The following TCF4 variants were observed in gnomAD, a reference collection of about 807,000 sequenced individuals.
TCF4 encodes the protein transcription factor 4.
TCF4 carries 3 observed loss-of-function variants against 82.1 expected under a neutral mutation model. That is an observed-to-expected ratio of 0.04 (90% confidence interval 0.02 to 0.09). The LOEUF (loss-of-function observed/expected upper bound fraction) is 0.09. Among genes scored for constraint, TCF4 ranks in the 10% least tolerant of loss-of-function variants. TCF4 has a pLI of 1.00. For missense variants in TCF4, 518 were observed against 852.7 expected, an observed-to-expected ratio of 0.61 and a Z score of 4.89; for synonymous variants, 276 against 309.6, an observed-to-expected ratio of 0.89 and a Z score of 1.14.
intron 2 of TCF4, among the ~76,000 whole-genome samples, chr18:55,617,732 T>C (rs964985091): frequency 6.6e-6 from 1 of 151,956 alleles, no homozygotes; most frequent in African/African-American, 2.4e-5. Flanking sequence ...TTTTGGTAGT[T>C]TGTTACTGTA....
intron 15 of TCF4, among the ~76,000 whole-genome samples, chr18:55,234,984 C>A (rs1339914782): frequency 6.6e-6 from 1 of 152,194 alleles, no homozygotes; most frequent in Non-Finnish European, 1.5e-5. Context: ...ACCCATCTGT[C>A]TTCTATCATG....
intron 15 of TCF4, among the ~76,000 whole-genome samples, chr18:55,242,887 C>A (rs2051762099): frequency 6.6e-6 from 1 of 152,114 alleles, no homozygotes; most frequent in Admixed American, 6.5e-5. Flanking sequence ...GGATTACAGG[C>A]CTGAACCACC....
chr18:55,286,399 G>T (rs144667792), intron 8 of TCF4, among the ~76,000 whole-genome samples: 1 of 150,080 alleles, frequency 6.7e-6, no homozygotes, highest in African/African-American at 2.5e-5. Flanking sequence ...TTTAAAGCTC[G>T]AATGAGTTCA....
At chr18:55,242,798 C>T (rs925022855) in intron 15 of TCF4, among the ~76,000 whole-genome samples, 34 of 152,004 alleles carry the variant, frequency 2.2e-4, no homozygotes, top group South Asian at 2.1e-4. Flanking sequence ...TTAGTAGAGA[C>T]GGGGTTTCAC....
intron 15 of TCF4, among the ~76,000 whole-genome samples, chr18:55,246,395 G>C (rs556502913): frequency 6.6e-6 from 1 of 152,150 alleles, no homozygotes; most frequent in Admixed American, 6.5e-5. Context: ...AGGGTTTTGA[G>C]GTAAACATCC....
Position 55,226,040 on chromosome 18 carries a change from C to G in TCF4, c.*1995G>C, listed in dbSNP as rs1056264303. On this transcript the variant is annotated 3_prime_UTR_variant, in exon 20 of 20. Transcript: ENST00000354452. ...CACAGTTTTTAAAAAAAAACAAAAA[C>G]TGATACAATGTATTAAAACACATAA... The G allele has an allele frequency of 3.3e-5, 5 of 152,012 alleles. No homozygotes were observed. The South Asian group carries it at 1.0e-3, about 32-fold the overall frequency. The allele number at this position is 152,012 out of a possible 1,614,324, so 9.4% of individuals were successfully genotyped here. A position where few individuals can be genotyped will look rare whatever the true frequency, so the allele number is the denominator to read the frequency against.
At chr18:55,327,096 T>A (rs1338092338) in intron 8 of TCF4, among the ~76,000 whole-genome samples, 1 of 152,152 alleles carries the variant, frequency 6.6e-6, no homozygotes, top group African/African-American at 2.4e-5. Flanking sequence ...TATATTCCCA[T>A]ATTTCTTTGT....
chr18:55,530,439 T>C (rs968655100), intron 3 of TCF4, among the ~76,000 whole-genome samples: 3 of 150,562 alleles, frequency 2.0e-5, no homozygotes, highest in Non-Finnish European at 4.4e-5. Context: ...GAAGCAGACA[T>C]ATGGGGAAAT....
chr18:55,532,583 T>C (rs2097075868), intron 3 of TCF4, among the ~76,000 whole-genome samples: 2 of 152,240 alleles, frequency 1.3e-5, no homozygotes, highest in Non-Finnish European at 1.5e-5. Context: ...ACTAGTTTCA[T>C]AGATTTGGAA....
intron 8 of TCF4, among the ~76,000 whole-genome samples, chr18:55,343,157 C>T (rs2080385682): frequency 6.6e-6 from 1 of 152,050 alleles, no homozygotes; most frequent in Non-Finnish European, 1.5e-5. Context: ...ATTAAATGTA[C>T]TTGCAAAGGT....
chr18:55,454,906 G>A (rs1351275259), intron 5 of TCF4, among the ~76,000 whole-genome samples: 1 of 152,120 alleles, frequency 6.6e-6, no homozygotes, highest in African/African-American at 2.4e-5. Context: ...TCAATTCTTG[G>A]CTGGGCGTGG....
intron 3 of TCF4, among the ~76,000 whole-genome samples, chr18:55,576,924 C>A (rs2097532707): frequency 6.6e-6 from 1 of 151,664 alleles, no homozygotes; most frequent in Non-Finnish European, 1.5e-5. Flanking sequence ...GATGATTCTT[C>A]TTCTTCCAGT....
chr18:55,465,029 C>T (rs952732764), intron 3 of TCF4, among the ~76,000 whole-genome samples: 14 of 152,136 alleles, frequency 9.2e-5, no homozygotes, highest in African/African-American at 3.4e-4. Context: ...AGATCAGTTG[C>T]TCTATATTTA....
chr18:55,378,801 A>G (rs1217895025), intron 6 of TCF4, among the ~76,000 whole-genome samples: 1 of 152,252 alleles, frequency 6.6e-6, no homozygotes, highest in Non-Finnish European at 1.5e-5. Flanking sequence ...TTGACCCGGA[A>G]GATTTAAAAC....
chr18:55,467,212 C>T (rs747025570), intron 3 of TCF4, among the ~76,000 whole-genome samples: 5 of 152,120 alleles, frequency 3.3e-5, no homozygotes, highest in Non-Finnish European at 5.9e-5. Context: ...CCATAGCATG[C>T]GCAATGGTAA....
intron 5 of TCF4, among the ~76,000 whole-genome samples, chr18:55,444,286 A>C (rs1308857454): frequency 6.6e-6 from 1 of 152,216 alleles, no homozygotes; most frequent in African/African-American, 2.4e-5. Context: ...GAATGTATAC[A>C]TGGAATCTTA....
intron 15 of TCF4, 149 bp from the exon 16 acceptor site, chr18:55,234,832 G>T: frequency 9.4e-7 from 1 of 1,067,226 alleles, no homozygotes; most frequent in Non-Finnish European, 1.4e-6. Context: ...GACCGCACAT[G>T]CACCTATAGT....
chr18:55,380,680 T>C (rs1217833845), intron 6 of TCF4, among the ~76,000 whole-genome samples: 1 of 152,344 alleles, frequency 6.6e-6, no homozygotes. Flanking sequence ...TGCAGTGCTA[T>C]GCTCATGCCC....
intron 3 of TCF4, among the ~76,000 whole-genome samples, chr18:55,512,790 A>T (rs192577864): frequency 2.0e-3 from 308 of 152,296 alleles, no homozygotes; most frequent in African/African-American, 6.9e-3. Context: ...TTTTCAAAAT[A>T]AAAAGTTAAA....
Sources: gnomAD v4.1 joint callset for allele counts (sites outside exome capture counted in the v4.1 genomes callset) on GRCh38, gnomAD v4.1.1 for gene constraint, MANE v1.5 for transcripts, NCBI Gene and HGNC (gene_info 2026-07-23, HGNC 2026-07-21) for gene names.